Variants in CYLD observed in about 807,000 individuals in gnomAD.
CYLD encodes CYLD lysine 63 deubiquitinase.
CYLD carries 26 observed loss-of-function variants against 104.5 expected under a neutral mutation model. That is an observed-to-expected ratio of 0.25 (90% CI 0.18 to 0.35). The LOEUF is 0.35. Ranked by LOEUF, CYLD falls within the 10% of genes least tolerant of loss-of-function variation. The pLI, the probability that CYLD is intolerant of heterozygous loss-of-function variation, is 1.00. For synonymous variants in CYLD, 385 were observed against 399.9 expected (o/e 0.96, Z 0.45); for missense variants, 703 against 1,136.1 (o/e 0.62, Z 5.48).
intron 5 of CYLD, among the ~76,000 whole-genome samples, chr16:50,762,436 C>T (rs1968054470): frequency 6.6e-6 from 1 of 152,090 alleles, no homozygotes; most frequent in Admixed American, 6.6e-5. Flanking sequence ...AATCAAGTTT[C>T]CAGATGTACA....
chr16:50,796,435 G>T lies in CYLD; in HGVS notation c.2798G>T (p.Gly933Val). The T allele has an allele frequency of 6.2e-7, 1 of 1,614,086 alleles. No homozygotes were observed. The highest frequency in any genetic ancestry group is 8.5e-7 in the Non-Finnish European group (1 of 1,180,010). ...TCCTTGGACTCCAGGAGAATCCAAGGCTGTGCACGAAGACTGCTTTGTGAT... is the reference window on the plus strand; with the variant it reads ...TCCTTGGACTCCAGGAGAATCCAAGTCTGTGCACGAAGACTGCTTTGTGAT... The part of the protein sequence containing the change: ...LHSLDSRRIQ[G>V]CARRLLCDAY... The change falls in exon 19 of 19, where the codon GGC becomes GTC. Residue 933 changes from glycine (G) to valine (V), a missense_variant. By Grantham distance (109) the Gly-to-Val change is moderately radical. Around this residue, in one of 5 missense-constraint regions of CYLD, gnomAD observed 130 missense variants for 220.2 expected, o/e 0.59. Transcript: ENST00000427738.
chr16:50,775,205 A>G (rs1969547120), intron 6 of CYLD, 31 bp downstream of exon 6: 1 of 1,583,766 alleles, frequency 6.3e-7, no homozygotes, highest in Non-Finnish European at 8.6e-7. Flanking sequence ...GTTGGACTCC[A>G]CGGATGTATT....
Position 50,796,568 on chromosome 16 carries a change from C to T in CYLD, c.*60C>T, listed in dbSNP as rs866233263. ...CAGAGTCCTAACGTTGCATCTTATT[C>T]GAGCTGGCAGTTCTGTTCACGTCCA... is the stretch of plus-strand genomic sequence containing the variant. On this transcript the variant is annotated 3_prime_UTR_variant, in exon 19 of 19. Coordinates refer to ENST00000427738, the MANE Select transcript of CYLD (RefSeq NM_001378743.1). 29 of 1,553,008 alleles carry T rather than the reference C, an allele frequency of 1.9e-5. No individual in the cohort carries two copies. In the East Asian group the frequency reaches 2.5e-4, roughly 13 times the overall value.
At chr16:50,776,309 T>C (rs1427201613) in intron 7 of CYLD, 32 bp downstream of exon 7, 2 of 1,407,384 alleles carry the variant, frequency 1.4e-6, no homozygotes, top group Non-Finnish European at 2.0e-6. Flanking sequence ...CCTTTAGTAA[T>C]TTGCATAATG....
Position 50,792,696 on chromosome 16 carries a change from C to A in CYLD, c.2341C>A (p.Leu781Ile). 6.9e-7 allele frequency: 1 copy of A among 1,441,756 alleles called. No homozygotes were observed. The highest frequency in any genetic ancestry group is 9.7e-7 in the Non-Finnish European group (1 of 1,029,690). The allele number at this position is 1,441,756 out of a possible 1,614,324, so 89.3% of individuals were successfully genotyped here. A position where few individuals can be genotyped will look rare whatever the true frequency, so the allele number is the denominator to read the frequency against. Reference protein sequence around the residue: ...PSLELNITDLLEDTPRQCRIC... With the variant: ...PSLELNITDLIEDTPRQCRIC... ...TCTGGAATTAAATATAACAGATTTACTTGAAGACAGTAAGTATGAGATTTT... is the reference window on the plus strand; with the variant it reads ...TCTGGAATTAAATATAACAGATTTAATTGAAGACAGTAAGTATGAGATTTT... Residue 781 changes from leucine (L) to isoleucine (I), a missense_variant, in exon 16 of 19, where the codon CTT becomes ATT. Physicochemically the swap from Leu to Ile is conservative, Grantham distance 5. Coordinates refer to ENST00000427738, the MANE Select transcript of CYLD (RefSeq NM_001378743.1).
At position 50,779,896 on chromosome 16, in the gene CYLD, G is replaced by T. The variant is rs1970051701; in HGVS notation, c.1370G>T (p.Ser457Ile). 6.2e-7 allele frequency: 1 copy of T among 1,613,988 alleles called. No homozygotes were observed. The highest frequency in any genetic ancestry group is 1.3e-5 in the African/African-American group (1 of 74,926). The change falls in exon 9 of 19, where the codon AGT becomes ATT. Residue 457 changes from serine to isoleucine, a missense_variant. Ser to Ile is a moderately radical substitution (Grantham distance 142). Coordinates refer to ENST00000427738, the MANE Select transcript of CYLD (RefSeq NM_001378743.1). ...EELNTAPVQE[S>I]PPLAMPPGNS... is the part of the protein sequence containing the mutation. ...CTAAACACTGCACCCGTCCAAGAGA[G>T]TCCACCCTTGGCCATGCCTCCTGGG...
chr16:50,790,772 A>G (rs1210584189), intron 14 of CYLD, among the ~76,000 whole-genome samples: 2 of 152,134 alleles, frequency 1.3e-5, no homozygotes, highest in Non-Finnish European at 2.9e-5. Context: ...AAATCTAGAT[A>G]TAAGTTTAGA....
Position 50,784,378 on chromosome 16 carries a change from G to C in CYLD, c.1876G>C (p.Glu626Gln). The change falls in exon 12 of 19, where the codon GAA becomes CAA. Residue 626 changes from glutamate (E) to glutamine (Q), a missense_variant. By Grantham distance (29) the Glu-to-Gln change is conservative. Around this residue, in one of 5 missense-constraint regions of CYLD, gnomAD observed 125 missense variants for 325.4 expected, o/e 0.38. Coordinates refer to ENST00000427738, the MANE Select transcript of CYLD (RefSeq NM_001378743.1). ...GGACACTGTGTTACTTAGACCCAAA[G>C]AAAAGAACGATGTAGAATATTATAG... The part of the protein sequence containing the change: ...VLDTVLLRPK[E>Q]KNDVEYYSET... 1 of 1,613,508 alleles carries C rather than the reference G, an allele frequency of 6.2e-7. No homozygotes were observed. Among genetic ancestry groups the C allele is most frequent in the Non-Finnish European group, 8.5e-7 (1 of 1,179,690 alleles).
rs756244276 is a variant in CYLD at position 50,781,314 on chromosome 16, G to C, written c.1587G>C (p.Lys529Asn). 1 of 1,613,866 alleles carries C rather than the reference G, an allele frequency of 6.2e-7. No individual in the cohort carries two copies. Among genetic ancestry groups the C allele is most frequent in the Admixed American group, 1.7e-5 (1 of 59,998 alleles). ...CTCGGTATTTCACCTGTGCCCTGAA[G>C]AAGGCGCTGTTTGTGAAACTGAAGA... is the stretch of plus-strand genomic sequence containing the variant. ...RGTRYFTCAL[K>N]KALFVKLKSC... The change falls in exon 10 of 19, where the codon AAG becomes AAC. Residue 529 changes from lysine (K) to asparagine (N), a missense_variant. Lys to Asn is a moderately conservative substitution (Grantham distance 94). Around this residue, in one of 5 missense-constraint regions of CYLD, gnomAD observed 125 missense variants for 325.4 expected, o/e 0.38. Coordinates refer to ENST00000427738, the MANE Select transcript of CYLD (RefSeq NM_001378743.1).
chr16:50,770,467 T>C (rs74972615), intron 5 of CYLD, among the ~76,000 whole-genome samples: 1 of 151,520 alleles, frequency 6.6e-6, no homozygotes, highest in Non-Finnish European at 1.5e-5. Flanking sequence ...TTTTTTTTTT[T>C]GAGATGGAGT....
chr16:50,753,399 A>C (rs1037745043), intron 4 of CYLD, among the ~76,000 whole-genome samples: 5 of 152,210 alleles, frequency 3.3e-5, no homozygotes, highest in Non-Finnish European at 7.3e-5. Flanking sequence ...CAAACTTGGC[A>C]GAAGCTGTTT....
At chr16:50,795,422 A>G (rs1971928940) in intron 18 of CYLD, 1 of 623,794 alleles carries the variant, frequency 1.6e-6, no homozygotes, top group Admixed American at 2.5e-5. Flanking sequence ...GTTGTAGGTA[A>G]GAAATGTTTG....
At chr16:50,786,206 T>C (rs533879260) in intron 12 of CYLD, 1 of 152,332 alleles carries the variant, frequency 6.6e-6, no homozygotes, top group Non-Finnish European at 1.5e-5. Flanking sequence ...TAAAAGGATA[T>C]TCTCTCTCAA....
intron 5 of CYLD, among the ~76,000 whole-genome samples, chr16:50,767,854 A>G (rs1968690518): frequency 6.6e-6 from 1 of 152,190 alleles, no homozygotes; most frequent in East Asian, 1.9e-4. Flanking sequence ...GTTCTACAGT[A>G]GCACTTAAAA....
intron 12 of CYLD, 183 bp downstream of exon 12, chr16:50,784,634 A>T: frequency 1.7e-6 from 1 of 600,740 alleles, no homozygotes; most frequent in Non-Finnish European, 2.9e-6. Flanking sequence ...TTAATTTCTT[A>T]AATGTGGCCA....
At position 50,799,729 on chromosome 16, in the gene CYLD, G is replaced by T. The variant is rs553290181; in HGVS notation, c.*3221G>T. ...CCCAAATTCCTGCTTGTTTGAACATGGCATCTTCATAGATTCAGGATTCAC... is the reference window on the plus strand; with the variant it reads ...CCCAAATTCCTGCTTGTTTGAACATTGCATCTTCATAGATTCAGGATTCAC... On this transcript the variant is annotated 3_prime_UTR_variant, in exon 19 of 19. Coordinates refer to ENST00000427738, the MANE Select transcript of CYLD (RefSeq NM_001378743.1). 2.6e-5 allele frequency: 6 copies of T among 233,202 alleles called. No individual in the cohort carries two copies. The highest frequency in any genetic ancestry group is 5.6e-5 in the Admixed American group (1 of 17,780). The allele number at this position is 233,202 out of a possible 1,614,324, so 14.4% of individuals were successfully genotyped here.
In CYLD at chr16:50,776,291, G is replaced by T. The variant is rs373319028; in HGVS notation, c.1021+14G>T. ...CAAAGGCTACAGGTATGGATTAATA[G>T]CATATAACCTTTAGTAATTTGCATA... is the stretch of plus-strand genomic sequence containing the variant. On this transcript the variant is annotated intron_variant, in intron 7 of 18. Transcript: ENST00000427738. The T allele has an allele frequency of 6.5e-7, 1 of 1,547,338 alleles. No homozygotes were observed. The highest frequency in any genetic ancestry group is 8.9e-7 in the Non-Finnish European group (1 of 1,119,462).
At chr16:50,782,536 G>T in intron 11 of CYLD, 70 bp downstream of exon 11, 2 of 1,492,784 alleles carry the variant, frequency 1.3e-6, no homozygotes, top group East Asian at 2.3e-5. Context: ...GTGTGTGTGT[G>T]TGTGTGCGTG....
chr16:50,760,685 A>G (rs1317148311), intron 5 of CYLD, among the ~76,000 whole-genome samples: 1 of 152,170 alleles, frequency 6.6e-6, no homozygotes. Flanking sequence ...AATTTATTTA[A>G]CCAGTTTCCT....
Sources: gnomAD v4.1 joint callset for allele counts (sites outside exome capture counted in the v4.1 genomes callset) on GRCh38, gnomAD v4.1.1 for gene constraint, gnomAD v4.1.1 regional missense constraint, MANE v1.5 for transcripts, NCBI Gene and HGNC (gene_info 2026-07-23, HGNC 2026-07-21) for gene names.